NYAP2: variants seen among roughly 807,000 people sequenced by gnomAD.
NYAP2 encodes neuronal tyrosine-phosphorylated phosphoinositide-3-kinase adaptor 2, also known as neuronal tyrosine-phosphorylated phosphoinositide-3-kinase adapter 2.
NYAP2 carries 23 observed loss-of-function variants against 50.4 expected under a neutral mutation model. That is an observed-to-expected ratio of 0.46 (90% CI 0.33 to 0.65). The LOEUF (loss-of-function observed/expected upper bound fraction) is 0.65. NYAP2 is among the 30% of genes least tolerant of loss of function. The probability of loss-of-function intolerance (pLI) is 0.02; values close to 1 mark genes in which losing one functional copy is unlikely to be tolerated. For synonymous variants in NYAP2, 394 were observed against 365.2 expected, an observed-to-expected ratio of 1.08 and a Z score of -0.90; for missense variants, 885 against 861.0, an observed-to-expected ratio of 1.03 and a Z score of -0.35.
intron 2 of NYAP2, among the ~76,000 whole-genome samples, chr2:225,407,865 C>A (rs10191064): frequency 0.83 from 126,220 of 151,746 alleles, 53,029 homozygotes; most frequent in African/African-American, 0.93. Context: ...CTGTCCATCT[C>A]CCCATCTAGC....
intron 5 of NYAP2, 44 bp downstream of exon 5, chr2:225,583,079 G>A: frequency 6.3e-7 from 1 of 1,580,016 alleles, no homozygotes; most frequent in Non-Finnish European, 8.6e-7. Flanking sequence ...CCAGTGCCAG[G>A]CTTACAACCA....
intron 2 of NYAP2, among the ~76,000 whole-genome samples, chr2:225,405,147 G>A (rs537082889): frequency 2.6e-5 from 4 of 152,088 alleles, no homozygotes; most frequent in Admixed American, 6.6e-5. Context: ...CAGACTCAAT[G>A]AACTCAATTA....
intron 4 of NYAP2, among the ~76,000 whole-genome samples, chr2:225,569,784 C>T (rs192975927): frequency 7.9e-5 from 12 of 152,252 alleles, no homozygotes; most frequent in East Asian, 1.9e-4. Context: ...TTCCAGAGCA[C>T]GTTCTCCCTA....
chr2:225,428,808 T>A (rs1695324144), intron 3 of NYAP2, among the ~76,000 whole-genome samples: 2 of 152,214 alleles, frequency 1.3e-5, no homozygotes, highest in Non-Finnish European at 2.9e-5. Flanking sequence ...ACAGTAAAAC[T>A]TCAAGAACAT....
chr2:225,404,470 G>A (rs1694908157), intron 2 of NYAP2, among the ~76,000 whole-genome samples: 1 of 151,850 alleles, frequency 6.6e-6, no homozygotes, highest in Admixed American at 6.6e-5. Context: ...TAAGCTCTAG[G>A]TTCAGCATTG....
At chr2:225,534,662 G>GT (rs1321805506) in intron 4 of NYAP2, among the ~76,000 whole-genome samples, 2 of 152,164 alleles carry the variant, frequency 1.3e-5, no homozygotes, top group Non-Finnish European at 2.9e-5. Context: ...CTAAAATATT[G>GT]TATCAGTCTA....
intron 6 of NYAP2, among the ~76,000 whole-genome samples, chr2:225,645,317 A>G (rs1052684619): frequency 1.3e-5 from 2 of 152,094 alleles, no homozygotes; most frequent in African/African-American, 4.8e-5. Flanking sequence ...AATAAAATTG[A>G]TGATGGTGAG....
At chr2:225,507,276 G>C (rs968799183) in intron 3 of NYAP2, among the ~76,000 whole-genome samples, 3 of 152,160 alleles carry the variant, frequency 2.0e-5, no homozygotes, top group African/African-American at 7.2e-5. Flanking sequence ...ACTGCATGCA[G>C]AAGCAACACC....
intron 4 of NYAP2, among the ~76,000 whole-genome samples, chr2:225,576,270 C>G (rs140930277): frequency 9.2e-4 from 140 of 152,314 alleles, no homozygotes; most frequent in African/African-American, 3.2e-3. Flanking sequence ...TCTGAGTTCT[C>G]TACTTTCACT....
At chr2:225,633,777 A>G (rs1215119020) in intron 6 of NYAP2, among the ~76,000 whole-genome samples, 1 of 152,272 alleles carries the variant, frequency 6.6e-6, no homozygotes, top group Admixed American at 6.5e-5. Context: ...GGGTTCCCAG[A>G]TTTAACTGCT....
At chr2:225,576,803 AGAT>A (rs1408762542) in intron 4 of NYAP2, among the ~76,000 whole-genome samples, 1 of 152,132 alleles carries the variant, frequency 6.6e-6, no homozygotes, top group African/African-American at 2.4e-5. Flanking sequence ...TTAAGTTTTG[AGAT>A]TCTCTTAGAT....
chr2:225,682,400 G>A, the NYAP2 span, among the ~76,000 whole-genome samples: 1 of 152,164 alleles, frequency 6.6e-6, no homozygotes, highest in African/African-American at 2.4e-5. Flanking sequence ...GAAAGTAGGA[G>A]AGTGTTATAA....
At chr2:225,583,648 G>A (rs1466885372) in intron 5 of NYAP2, among the ~76,000 whole-genome samples, 1 of 151,854 alleles carries the variant, frequency 6.6e-6, no homozygotes, top group Non-Finnish European at 1.5e-5. Flanking sequence ...GGAATTTTTA[G>A]GTAAATACCT....
At chr2:225,675,003 A>C in the NYAP2 span, among the ~76,000 whole-genome samples, 1 of 152,168 alleles carries the variant, frequency 6.6e-6, no homozygotes, top group Non-Finnish European at 1.5e-5. Flanking sequence ...TATCTATAGT[A>C]AAGTGAGTGA....
intron 3 of NYAP2, among the ~76,000 whole-genome samples, chr2:225,427,839 TAA>T (rs1381011753): frequency 6.6e-6 from 1 of 152,202 alleles, no homozygotes; most frequent in Non-Finnish European, 1.5e-5. Context: ...GGAAGATTTG[TAA>T]AGTGATTCAG....
intron 3 of NYAP2, among the ~76,000 whole-genome samples, chr2:225,435,629 A>G (rs1252688257): frequency 1.3e-5 from 2 of 152,186 alleles, no homozygotes; most frequent in African/African-American, 4.8e-5. Context: ...AATTTTCTAC[A>G]TATTGGTATT....
At chr2:225,540,778 T>C (rs571496500) in intron 4 of NYAP2, among the ~76,000 whole-genome samples, 1 of 152,346 alleles carries the variant, frequency 6.6e-6, no homozygotes, top group Admixed American at 6.5e-5. Flanking sequence ...GACATACTGA[T>C]TTCTATTCTT....
intron 4 of NYAP2, among the ~76,000 whole-genome samples, chr2:225,520,426 A>G (rs1196579981): frequency 2.0e-5 from 3 of 152,192 alleles, no homozygotes; most frequent in Admixed American, 1.3e-4. Flanking sequence ...TAAGTCTTTA[A>G]TCCATCTTGA....
chr2:225,645,194 G>T (rs758838471), intron 6 of NYAP2, among the ~76,000 whole-genome samples: 4 of 150,962 alleles, frequency 2.6e-5, no homozygotes, highest in Admixed American at 6.6e-5. Context: ...GAAGGTGGAG[G>T]TTGCAGTGAG....
Sources: gnomAD v4.1 joint callset for allele counts (sites outside exome capture counted in the v4.1 genomes callset) on GRCh38, gnomAD v4.1.1 for gene constraint, MANE v1.5 for transcripts, NCBI Gene and HGNC (gene_info 2026-07-23, HGNC 2026-07-21) for gene names.